Variants in SLC20A2 observed in about 807,000 individuals in gnomAD.
SLC20A2 encodes the protein sodium-dependent phosphate transporter 2.
In SLC20A2, 30 loss-of-function variants were observed where a neutral mutation model predicts 61.0. The observed-to-expected ratio is 0.49, with a 90% CI of 0.37 to 0.67. SLC20A2 has a LOEUF of 0.67. SLC20A2 is among the 30% of genes least tolerant of loss of function. SLC20A2 has a pLI of 0.00. For missense variants in SLC20A2, 626 were observed against 866.4 expected (o/e 0.72, Z 3.48); for synonymous variants, 351 against 353.3 (o/e 0.99, Z 0.07).
chr8:42,460,952 G>A (rs1806645955), intron 4 of SLC20A2, among the ~76,000 whole-genome samples: 1 of 152,176 alleles, frequency 6.6e-6, no homozygotes, highest in Admixed American at 6.6e-5. Context: ...GACAGCAGCA[G>A]AAGTATGGAT....
chr8:42,501,521 A>G (rs193247062), upstream of SLC20A2: 17 of 152,388 alleles, frequency 1.1e-4, no homozygotes, highest in African/African-American at 4.1e-4. Flanking sequence ...TCACAAGCAA[A>G]AGCAAAGCAA....
At chr8:42,446,685 T>C (rs948570915) in intron 5 of SLC20A2, among the ~76,000 whole-genome samples, 2 of 152,180 alleles carry the variant, frequency 1.3e-5, no homozygotes, top group African/African-American at 4.8e-5. Flanking sequence ...ATTCCCGTCA[T>C]ATCTGTGAAT....
intron 2 of SLC20A2, chr8:42,470,969 GTC>G (rs1229459285): frequency 2.9e-6 from 1 of 340,764 alleles, no homozygotes; most frequent in Admixed American, 4.1e-5. Context: ...GCAAGACTCT[GTC>G]TCAAAAAAAA....
At chr8:42,439,343 T>C (rs752148286) in intron 7 of SLC20A2, 107 bp downstream of exon 7, 2 of 1,004,442 alleles carry the variant, frequency 2.0e-6, no homozygotes, top group Non-Finnish European at 2.9e-6. Flanking sequence ...AACTGGGGGA[T>C]CCTTTTGTGC....
chr8:42,466,376 G>T (rs372618291), intron 2 of SLC20A2, among the ~76,000 whole-genome samples: 29 of 152,204 alleles, frequency 1.9e-4, no homozygotes, highest in African/African-American at 6.3e-4. Context: ...GTGAGGCATT[G>T]TGTCCGGCCA....
chr8:42,538,077 A>G (rs1191142988), intron 1 of SLC20A2: 1 of 152,114 alleles, frequency 6.6e-6, no homozygotes, highest in Non-Finnish European at 1.5e-5. Context: ...ACTCTTATTT[A>G]GCTCCAAATT....
At chr8:42,467,748 C>A (rs1422221344) in intron 2 of SLC20A2, among the ~76,000 whole-genome samples, 4 of 152,182 alleles carry the variant, frequency 2.6e-5, no homozygotes, top group African/African-American at 9.6e-5. Context: ...TGCTGCCAAA[C>A]CCATATCAGG....
intron 1 of SLC20A2, among the ~76,000 whole-genome samples, chr8:42,529,777 A>T (rs1179338353): frequency 6.6e-6 from 1 of 152,232 alleles, no homozygotes; most frequent in Non-Finnish European, 1.5e-5. Context: ...TCACCAGCTT[A>T]AACTAAGCTT....
intron 1 of SLC20A2, among the ~76,000 whole-genome samples, chr8:42,473,260 G>A (rs1350182176): frequency 3.9e-5 from 6 of 152,306 alleles, no homozygotes; most frequent in Middle Eastern, 3.4e-3. Flanking sequence ...TGGAGAATGA[G>A]GCAATCCTAT....
intron 2 of SLC20A2, among the ~76,000 whole-genome samples, chr8:42,467,392 C>T (rs1049595608): frequency 6.6e-6 from 1 of 152,160 alleles, no homozygotes; most frequent in Non-Finnish European, 1.5e-5. Flanking sequence ...TTAAAAGCAT[C>T]AACCGGGAGA....
At chr8:42,538,733 C>T (rs1812869052) in intron 1 of SLC20A2, among the ~76,000 whole-genome samples, 1 of 152,230 alleles carries the variant, frequency 6.6e-6, no homozygotes, top group South Asian at 2.1e-4. Flanking sequence ...CGCTTGTCTT[C>T]CTGTCATAGG....
intron 5 of SLC20A2, among the ~76,000 whole-genome samples, chr8:42,448,398 G>C (rs1315098330): frequency 6.6e-6 from 1 of 152,204 alleles, no homozygotes; most frequent in Non-Finnish European, 1.5e-5. Context: ...GGGCCCGAAA[G>C]AGAAGTCAAG....
intron 4 of SLC20A2, among the ~76,000 whole-genome samples, chr8:42,461,292 A>G (rs1806678071): frequency 6.6e-6 from 1 of 152,118 alleles, no homozygotes; most frequent in African/African-American, 2.4e-5. Context: ...GATGAACTGA[A>G]AACAAAATGC....
intron 10 of SLC20A2, among the ~76,000 whole-genome samples, chr8:42,422,781 C>T (rs75304697): frequency 2.0e-5 from 3 of 152,150 alleles, no homozygotes; most frequent in Non-Finnish European, 4.4e-5. Context: ...AAATAATTCA[C>T]ATGGGTTTTC....
chr8:42,486,764 A>G (rs1809045019), intron 1 of SLC20A2, among the ~76,000 whole-genome samples: 1 of 152,214 alleles, frequency 6.6e-6, no homozygotes, highest in Non-Finnish European at 1.5e-5. Context: ...TGACTGCAGT[A>G]TGTCTGTGTT....
intron 1 of SLC20A2, among the ~76,000 whole-genome samples, chr8:42,476,814 C>G (rs1275489151): frequency 6.6e-6 from 1 of 152,186 alleles, no homozygotes; most frequent in Non-Finnish European, 1.5e-5. Flanking sequence ...ACAAAAGGAA[C>G]ATTCATTTCT....
intron 1 of SLC20A2, among the ~76,000 whole-genome samples, chr8:42,511,125 C>G (rs1255401137): frequency 6.6e-6 from 1 of 152,098 alleles, no homozygotes; most frequent in Non-Finnish European, 1.5e-5. Flanking sequence ...TGAATAATTT[C>G]AAGTCCATTC....
At chr8:42,505,283 AT>A (rs1224388457), upstream of SLC20A2, among the ~76,000 whole-genome samples, 3 of 151,760 alleles carry the variant, frequency 2.0e-5, no homozygotes, top group African/African-American at 7.3e-5. Flanking sequence ...TAATTTTTAT[AT>A]TTTTTGTAGA....
chr8:42,449,353 G>A (rs1212491846), intron 5 of SLC20A2, among the ~76,000 whole-genome samples: 1 of 152,184 alleles, frequency 6.6e-6, no homozygotes, highest in African/African-American at 2.4e-5. Context: ...GCTAAGATAC[G>A]ATGAATAGTG....
Sources: gnomAD v4.1 joint callset for allele counts (sites outside exome capture counted in the v4.1 genomes callset) on GRCh38, gnomAD v4.1.1 for gene constraint, MANE v1.5 for transcripts, NCBI Gene and HGNC (gene_info 2026-07-23, HGNC 2026-07-21) for gene names.